Variants in TBC1D22A observed in about 807,000 individuals in gnomAD.
TBC1D22A encodes TBC1 domain family member 22A, also known as putative GTPase activator.
A neutral mutation model predicts 60.2 loss-of-function variants in TBC1D22A; 38 were observed. The ratio of observed to expected loss-of-function variants is 0.63; its 90% CI spans 0.49 to 0.83. TBC1D22A has a LOEUF of 0.83. Ranked by LOEUF, TBC1D22A falls within the 40% of genes least tolerant of loss-of-function variation. The probability of loss-of-function intolerance (pLI) is 0.00; values close to 1 mark genes in which losing one functional copy is unlikely to be tolerated. For synonymous variants in TBC1D22A, 302 were observed against 281.7 expected (o/e 1.07, Z -0.72); for missense variants, 628 against 701.0 (o/e 0.90, Z 1.18).
chr22:47,019,904 A>C (rs1414964844), intron 10 of TBC1D22A, among the ~76,000 whole-genome samples: 33 of 109,492 alleles, frequency 3.0e-4, no homozygotes, highest in East Asian at 5.0e-4. Context: ...CTCTCCCTTA[A>C]CTCTCCATCC....
chr22:46,887,799 C>A lies in TBC1D22A; in HGVS notation c.709-3467C>A, dbSNP rs191087231. On this transcript the variant is annotated intron_variant, in intron 5 of 12. Coordinates refer to ENST00000337137, the MANE Select transcript of TBC1D22A (RefSeq NM_014346.5). Reference sequence around the variant, plus strand: ...ACACGATTTTGGGGTACACCTTTATCTAAGTATGCTATACTTCAATAAGCA... The same window carrying A: ...ACACGATTTTGGGGTACACCTTTATATAAGTATGCTATACTTCAATAAGCA... 1.5e-3 allele frequency among the ~76,000 whole-genome samples: 221 copies of A among 152,252 alleles called. 4 individuals carry two copies. In the Middle Eastern group the frequency reaches 0.034, roughly 23 times the overall value.
intron 4 of TBC1D22A, among the ~76,000 whole-genome samples, chr22:46,820,070 G>C (rs892558503): frequency 1.3e-5 from 2 of 152,078 alleles, no homozygotes; most frequent in African/African-American, 4.8e-5. Context: ...ATTTCTGTGG[G>C]GTCAGTGGTG....
At chr22:46,845,316 A>G (rs781131327) in intron 4 of TBC1D22A, among the ~76,000 whole-genome samples, 4 of 152,242 alleles carry the variant, frequency 2.6e-5, no homozygotes, top group Admixed American at 6.5e-5. Context: ...TCAGTCTTCT[A>G]CATGGATCCT....
Position 47,173,720 on chromosome 22 carries a change from C to T in TBC1D22A, c.*94C>T, listed in dbSNP as rs1459763288. The T allele has an allele frequency of 5.1e-6, 8 of 1,573,812 alleles. No homozygotes were observed. The highest frequency in any genetic ancestry group is 6.9e-6 in the Non-Finnish European group (8 of 1,157,368). On this transcript the variant is annotated 3_prime_UTR_variant, in exon 13 of 13. Transcript: ENST00000337137. Reference sequence around the variant, plus strand: ...GCCCCTGTGAGCTGGTCCCGGGCTGCTAAAAGGCCTTGTGAGGTGGCCCCA... The same window carrying T: ...GCCCCTGTGAGCTGGTCCCGGGCTGTTAAAAGGCCTTGTGAGGTGGCCCCA...
intron 9 of TBC1D22A, among the ~76,000 whole-genome samples, chr22:46,983,696 T>G (rs1569303282): frequency 5.9e-5 from 7 of 117,766 alleles, no homozygotes; most frequent in Admixed American, 4.9e-4. Flanking sequence ...GAAGACCAGG[T>G]TTTTTTTTTT....
At chr22:46,941,372 T>TACAGAATATATAC (rs1569247785) in intron 8 of TBC1D22A, among the ~76,000 whole-genome samples, 1 of 147,798 alleles carries the variant, frequency 6.8e-6, no homozygotes, top group African/African-American at 2.5e-5. Flanking sequence ...AGAATATATA[T>TACAGAATATATAC]ACAGAATATA....
intron 12 of TBC1D22A, among the ~76,000 whole-genome samples, chr22:47,165,326 ACT>A (rs1315671369): frequency 2.6e-5 from 4 of 152,020 alleles, no homozygotes; most frequent in African/African-American, 9.7e-5. Context: ...GGTGCCTGCA[ACT>A]CTTGCAGATA....
At chr22:47,164,574 A>G (rs1359928964) in intron 12 of TBC1D22A, among the ~76,000 whole-genome samples, 2 of 152,306 alleles carry the variant, frequency 1.3e-5, no homozygotes, top group African/African-American at 4.8e-5. Flanking sequence ...TCGGCCACAG[A>G]GGGTTCCTGG....
In TBC1D22A at chr22:46,846,681, A is replaced by G. The variant is rs532478477; in HGVS notation, c.638-31972A>G. ...CTATCAGCCAGATTCGGCGGGTATC[A>G]AGATACGCCACCAGCCTCTCATCTT... On this transcript the variant is annotated intron_variant, in intron 4 of 12. Transcript: ENST00000337137. Among the ~76,000 whole-genome samples the G allele has an allele frequency of 2.2e-4, 33 of 152,380 alleles. No individual in the cohort carries two copies. The South Asian group carries it at 6.0e-3, about 28-fold the overall frequency.
At chr22:47,162,563 A>G (rs1186687388) in intron 12 of TBC1D22A, among the ~76,000 whole-genome samples, 2 of 152,144 alleles carry the variant, frequency 1.3e-5, no homozygotes, top group Non-Finnish European at 2.9e-5. Flanking sequence ...GCACCTTTCT[A>G]TAGTCATCTT....
rs912093058 is a variant in TBC1D22A at position 46,892,978 on chromosome 22, C to T, written c.837+1584C>T. Among the ~76,000 whole-genome samples, 4 of 152,228 alleles carry T rather than the reference C, an allele frequency of 2.6e-5. No homozygotes were observed. In the South Asian group the frequency reaches 6.2e-4, roughly 24 times the overall value. On this transcript the variant is annotated intron_variant, in intron 6 of 12. Transcript: ENST00000337137. ...ACTGCGCCTTCTGCGTTCTCGCCAT[C>T]GCCATTTCAGGCAGAGCTGGGCCCG...
intron 4 of TBC1D22A, among the ~76,000 whole-genome samples, chr22:46,808,981 A>T (rs2085270264): frequency 6.6e-6 from 1 of 152,222 alleles, no homozygotes; most frequent in South Asian, 2.1e-4. Context: ...TAAAGAGAAG[A>T]AGTTCAAGTT....
chr22:46,895,453 C>T (rs2068623490), intron 7 of TBC1D22A, among the ~76,000 whole-genome samples: 1 of 152,012 alleles, frequency 6.6e-6, no homozygotes, highest in Admixed American at 6.5e-5. Context: ...GGCTCACTGC[C>T]ACCTCCACCT....
chr22:47,084,706 T>C (rs1569429857), intron 11 of TBC1D22A, among the ~76,000 whole-genome samples: 1 of 152,194 alleles, frequency 6.6e-6, no homozygotes, highest in Non-Finnish European at 1.5e-5. Flanking sequence ...CACGAAGTAA[T>C]GTGAATGTAT....
At chr22:46,913,230 G>A (rs749228828) in intron 8 of TBC1D22A, 4 of 716,776 alleles carry the variant, frequency 5.6e-6, no homozygotes, top group African/African-American at 1.9e-5. Context: ...GGAAAGAGGG[G>A]ACTTTACTGT....
At chr22:47,018,541 C>T (rs2061977825) in intron 10 of TBC1D22A, among the ~76,000 whole-genome samples, 1 of 152,318 alleles carries the variant, frequency 6.6e-6, no homozygotes, top group East Asian at 1.9e-4. Flanking sequence ...CACTCTCTCC[C>T]CTGCTTGGGC....
chr22:46,997,747 G>T, intron 10 of TBC1D22A, 38 bp downstream of exon 10: 1 of 1,601,440 alleles, frequency 6.2e-7, no homozygotes. Flanking sequence ...TCTGTGGGCG[G>T]GGGGAGGTGG....
intron 8 of TBC1D22A, among the ~76,000 whole-genome samples, chr22:46,931,023 G>T (rs1436450625): frequency 6.6e-6 from 1 of 152,148 alleles, no homozygotes; most frequent in African/African-American, 2.4e-5. Context: ...GGCTTGTAAG[G>T]CCCCACCGTT....
At chr22:46,888,886 A>G (rs545155287) in intron 5 of TBC1D22A, among the ~76,000 whole-genome samples, 4 of 152,250 alleles carry the variant, frequency 2.6e-5, no homozygotes, top group African/African-American at 9.6e-5. Flanking sequence ...TTGTATTTTT[A>G]GTAGAGATGG....
Sources: allele counts gnomAD v4.1 joint callset (sites outside exome capture counted in the v4.1 genomes callset), GRCh38; gene constraint gnomAD v4.1.1; transcripts MANE v1.5; gene names NCBI Gene and HGNC (gene_info 2026-07-23, HGNC 2026-07-21).